Variants in PHAF1 observed in about 807,000 individuals in gnomAD.
PHAF1 encodes the protein phagophore assembly factor 1.
Under a neutral mutation model 63.1 loss-of-function variants are expected in PHAF1, and 23 were observed. The ratio of observed to expected loss-of-function variants is 0.36; its 90% CI spans 0.26 to 0.52. The LOEUF is 0.52. Among genes scored for constraint, PHAF1 ranks in the 20% least tolerant of loss-of-function variants. The pLI, the probability that PHAF1 is intolerant of heterozygous loss-of-function variation, is 0.93. For missense variants in PHAF1, 427 were observed against 517.2 expected, an observed-to-expected ratio of 0.83 and a Z score of 1.69; for synonymous variants, 167 against 185.0, an observed-to-expected ratio of 0.90 and a Z score of 0.79.
chr16:67,132,373 C>A (rs1963437597), intron 4 of PHAF1, 73 bp from the exon 5 acceptor site: 1 of 1,302,092 alleles, frequency 7.7e-7, no homozygotes, highest in Non-Finnish European at 1.1e-6. Flanking sequence ...AATAACTCTC[C>A]CAGCTACTAT....
At chr16:67,124,474 G>T (rs554726161) in intron 2 of PHAF1, among the ~76,000 whole-genome samples, 1 of 152,342 alleles carries the variant, frequency 6.6e-6, no homozygotes, top group East Asian at 1.9e-4. Context: ...TCTTAGGAGA[G>T]AATTTCTCCA....
chr16:67,118,331 C>CTTTT (rs1054550338), intron 1 of PHAF1, among the ~76,000 whole-genome samples: 31 of 76,574 alleles, frequency 4.0e-4, no homozygotes, highest in Non-Finnish European at 5.2e-4. Context: ...GCCCCTGTTG[C>CTTTT]TTTTTTTTTT....
In PHAF1 at chr16:67,139,985, T is replaced by C. The variant is rs199500186; in HGVS notation, c.663T>C (p.Gly221=). 1.3e-4 allele frequency: 203 copies of C among 1,613,910 alleles called. No individual in the cohort carries two copies. The highest frequency in any genetic ancestry group is 1.7e-4 in the Non-Finnish European group (195 of 1,179,998). ...AGLRLRLLAA[G]CGPGLLADAK... is the part of the protein sequence containing the mutation. ...ACCTCTCTGTCTTGTTTTTTGCAGG[T>C]TGTGGACCTGGCCTATTAGCAGATG... Residue 221 remains glycine (G), a splice_region_variant and synonymous_variant, in exon 9 of 16, where the codon GGT becomes GGC. Transcript: ENST00000219139.
Position 67,144,289 on chromosome 16 carries a change from C to A in PHAF1, c.880-5C>A, listed in dbSNP as rs1330558902. 1.2e-6 allele frequency: 2 copies of A among 1,605,160 alleles called. No individual in the cohort carries two copies. The highest frequency in any genetic ancestry group is 1.7e-6 in the Non-Finnish European group (2 of 1,172,052). ...CTCCTTGAGTACCCTTGTTTTCTAT[C>A]CCAGGACATCCTCTTTGATGCGAAT... On this transcript the variant is annotated splice_polypyrimidine_tract_variant and splice_region_variant and intron_variant, in intron 10 of 15. Transcript: ENST00000219139.
At chr16:67,124,312 G>C (rs1395658497) in intron 2 of PHAF1, among the ~76,000 whole-genome samples, 1 of 152,192 alleles carries the variant, frequency 6.6e-6, no homozygotes, top group African/African-American at 2.4e-5. Context: ...TATCTTGCTT[G>C]AGACCTAATG....
Position 67,132,478 on chromosome 16 carries a change from C to T in PHAF1, c.308C>T (p.Pro103Leu). The change falls in exon 5 of 16, where the codon CCT becomes CTT. Residue 103 changes from proline to leucine, a missense_variant. By Grantham distance (98) the Pro-to-Leu change is moderately conservative (BLOSUM62 -3). Transcript: ENST00000219139. Reference sequence around the variant, plus strand: ...CATTTTAATTCTCAGGCCATAGCTCCTACCATTGAACAGATTGACCAGTCT... The same window carrying T: ...CATTTTAATTCTCAGGCCATAGCTCTTACCATTGAACAGATTGACCAGTCT... ...GVHFNSQAIAPTIEQIDQSFG... is the reference protein window; with the variant it reads ...GVHFNSQAIALTIEQIDQSFG... The T allele has an allele frequency of 6.2e-7, 1 of 1,613,782 alleles. No individual in the cohort carries two copies. The highest frequency in any genetic ancestry group is 8.5e-7 in the Non-Finnish European group (1 of 1,179,814).
At chr16:67,142,753 C>T (rs1963859142) in intron 10 of PHAF1, among the ~76,000 whole-genome samples, 1 of 152,214 alleles carries the variant, frequency 6.6e-6, no homozygotes, top group African/African-American at 2.4e-5. Flanking sequence ...TGCAGCTACA[C>T]CCAGGAGCAT....
chr16:67,143,264 T>C (rs927446370), intron 10 of PHAF1, among the ~76,000 whole-genome samples: 1 of 152,154 alleles, frequency 6.6e-6, no homozygotes, highest in Non-Finnish European at 1.5e-5. Flanking sequence ...TTGGCCAGCA[T>C]GGTGGCTCAC....
At chr16:67,110,388 T>A (rs1962462979) in intron 1 of PHAF1, 149 bp downstream of exon 1, 2 of 848,812 alleles carry the variant, frequency 2.4e-6, no homozygotes, top group Non-Finnish European at 1.8e-6. Flanking sequence ...AGGCACTAGA[T>A]ACCCGCTCCA....
intron 2 of PHAF1, among the ~76,000 whole-genome samples, chr16:67,123,384 C>T (rs1963061996): frequency 6.6e-6 from 1 of 151,934 alleles, no homozygotes; most frequent in Non-Finnish European, 1.5e-5. Context: ...CGAGACCAGC[C>T]TGGCCAACAT....
chr16:67,115,477 A>C (rs1021241294), intron 1 of PHAF1, among the ~76,000 whole-genome samples: 10 of 152,216 alleles, frequency 6.6e-5, no homozygotes, highest in African/African-American at 2.4e-4. Flanking sequence ...TGAACAGTGG[A>C]AAGAAGATAT....
intron 5 of PHAF1, 133 bp from the exon 6 acceptor site, chr16:67,132,684 A>T: frequency 8.4e-7 from 1 of 1,185,466 alleles, no homozygotes; most frequent in Non-Finnish European, 1.3e-6. Context: ...CCTTGTTTTC[A>T]ACCTAGTAGG....
At chr16:67,113,350 C>G (rs766817579) in intron 1 of PHAF1, among the ~76,000 whole-genome samples, 2 of 152,058 alleles carry the variant, frequency 1.3e-5, no homozygotes, top group Non-Finnish European at 2.9e-5. Context: ...AAACCTAGGC[C>G]AAGCAGAATC....
chr16:67,125,879 G>T, intron 2 of PHAF1, 80 bp from the exon 3 acceptor site: 1 of 1,008,522 alleles, frequency 9.9e-7, no homozygotes. Flanking sequence ...CTTGTGTGTT[G>T]CATTTGTATT....
At chr16:67,131,360 C>A in intron 4 of PHAF1, 31 bp downstream of exon 4, 1 of 1,492,288 alleles carries the variant, frequency 6.7e-7, no homozygotes, top group Non-Finnish European at 9.2e-7. Context: ...GTATATGTCA[C>A]ACTTGGTATA....
At chr16:67,136,644 A>G (rs1963622325) in intron 8 of PHAF1, among the ~76,000 whole-genome samples, 1 of 137,618 alleles carries the variant, frequency 7.3e-6, no homozygotes, top group Non-Finnish European at 1.5e-5. Context: ...ATGCAGTGGC[A>G]TCATCATAGC....
chr16:67,111,814 G>A (rs1962526860), intron 1 of PHAF1, among the ~76,000 whole-genome samples: 2 of 152,108 alleles, frequency 1.3e-5, no homozygotes, highest in Admixed American at 1.3e-4. Flanking sequence ...AGTAGAGATT[G>A]GGTTTCGCCA....
intron 10 of PHAF1, among the ~76,000 whole-genome samples, chr16:67,141,483 G>A (rs933940608): frequency 1.3e-5 from 2 of 152,154 alleles, no homozygotes; most frequent in Non-Finnish European, 2.9e-5. Flanking sequence ...GCTTGCTCCC[G>A]CTGGGCTCAT....
At chr16:67,110,647 T>C (rs1263658584) in intron 1 of PHAF1, among the ~76,000 whole-genome samples, 1 of 152,178 alleles carries the variant, frequency 6.6e-6, no homozygotes, top group African/African-American at 2.4e-5. Flanking sequence ...CCTCTGATCA[T>C]CACTGTGGCC....
Sources: allele counts gnomAD v4.1 joint callset (sites outside exome capture counted in the v4.1 genomes callset), GRCh38; gene constraint gnomAD v4.1.1; transcripts MANE v1.5; gene names NCBI Gene and HGNC (gene_info 2026-07-23, HGNC 2026-07-21).